The following CACNA2D3 variants were observed in gnomAD, a reference collection of about 807,000 sequenced individuals.
CACNA2D3 encodes calcium voltage-gated channel auxiliary subunit alpha2delta 3.
In CACNA2D3, 60 loss-of-function variants were observed where a neutral mutation model predicts 160.6. The ratio of observed to expected loss-of-function variants is 0.37; its 90% confidence interval spans 0.30 to 0.46. CACNA2D3 has a LOEUF of 0.46. CACNA2D3 is among the 20% of genes least tolerant of loss of function. The pLI, the probability that CACNA2D3 is intolerant of heterozygous loss-of-function variation, is 1.00. For missense variants in CACNA2D3, 1,205 were observed against 1,365.0 expected, an observed-to-expected ratio of 0.88 and a Z score of 1.85; for synonymous variants, 558 against 492.9, an observed-to-expected ratio of 1.13 and a Z score of -1.75.
intron 13 of CACNA2D3, among the ~76,000 whole-genome samples, chr3:54,768,987 G>C (rs1702269567): frequency 6.6e-6 from 1 of 152,138 alleles, no homozygotes; most frequent in South Asian, 2.1e-4. Flanking sequence ...CTCTTTGTTA[G>C]GTCTGCCGGG....
intron 14 of CACNA2D3, among the ~76,000 whole-genome samples, chr3:54,836,903 C>T (rs918473230): frequency 5.3e-5 from 8 of 152,144 alleles, no homozygotes; most frequent in Admixed American, 4.6e-4. Flanking sequence ...CTCTTTGAAC[C>T]AAAGTGGCTG....
chr3:54,565,784 G>C (rs1702400359), intron 6 of CACNA2D3, among the ~76,000 whole-genome samples: 1 of 152,134 alleles, frequency 6.6e-6, no homozygotes, highest in African/African-American at 2.4e-5. Context: ...TTCAGGGCTT[G>C]CATTGCAAAA....
In CACNA2D3 at chr3:54,896,817, G is replaced by C; in HGVS notation, c.2315G>C (p.Arg772Thr). 6.2e-7 allele frequency: 1 copy of C among 1,614,028 alleles called. No homozygotes were observed. The highest frequency in any genetic ancestry group is 8.5e-7 in the Non-Finnish European group (1 of 1,179,892). ...GACCATTTCCCTCTCTGGTACCGAAGAGCCGCTGAGCAGATTCCAGGGAGC... is the reference window on the plus strand; with the variant it reads ...GACCATTTCCCTCTCTGGTACCGAACAGCCGCTGAGCAGATTCCAGGGAGC... ...NADHFPLWYRRAAEQIPGSFV... is the reference protein window; with the variant it reads ...NADHFPLWYRTAAEQIPGSFV... The change falls in exon 26 of 38, where the codon AGA becomes ACA. Residue 772 changes from arginine to threonine, a missense_variant. Coordinates refer to ENST00000474759, the MANE Select transcript of CACNA2D3 (RefSeq NM_018398.3).
At chr3:54,881,209 A>G (rs984887784) in intron 21 of CACNA2D3, among the ~76,000 whole-genome samples, 5 of 152,200 alleles carry the variant, frequency 3.3e-5, no homozygotes, top group African/African-American at 9.6e-5. Context: ...TATTCTTCTC[A>G]TACATAAAAA....
chr3:54,349,869 A>G (rs763502628), intron 3 of CACNA2D3, among the ~76,000 whole-genome samples: 2 of 152,206 alleles, frequency 1.3e-5, no homozygotes, highest in Non-Finnish European at 2.9e-5. Context: ...CATTGTTCAG[A>G]GCAGTTGCTC....
intron 9 of CACNA2D3, among the ~76,000 whole-genome samples, chr3:54,618,297 T>C (rs1000952285): frequency 6.7e-6 from 1 of 149,082 alleles, no homozygotes; most frequent in Non-Finnish European, 1.5e-5. Flanking sequence ...ATACTGAAAA[T>C]TTAAACTTTC....
Position 54,259,217 on chromosome 3 carries a change from A to G in CACNA2D3, c.205-61225A>G, listed in dbSNP as rs191593940. The stretch of plus-strand genomic sequence containing the variant: ...TTCCCTCCAGGAGCTAGTGGGAAAG[A>G]TGTTATTTCCACCAGGTTGGCTAAG... On this transcript the variant is annotated intron_variant, in intron 2 of 37. Coordinates refer to ENST00000474759, the MANE Select transcript of CACNA2D3 (RefSeq NM_018398.3). Among the ~76,000 whole-genome samples the G allele has an allele frequency of 1.4e-3, 206 of 152,314 alleles. 1 individual carries two copies. Among genetic ancestry groups the G allele is most frequent in the African/African-American group, 4.7e-3 (196 of 41,586 alleles).
chr3:54,879,067 T>C lies in CACNA2D3; in HGVS notation c.1760T>C (p.Val587Ala), dbSNP rs747351572. The stretch of plus-strand genomic sequence containing the variant: ...AAGACGGGGAAGTTTTCCATGGAGG[T>C]GAAGAAGACAGTGGACAAAGGGGTA... ...NRKTGKFSME[V>A]KKTVDKGKRV... The change falls in exon 19 of 38, where the codon GTG (valine) becomes GCG (alanine). Residue 587 changes from valine to alanine, a missense_variant. By Grantham distance (64) the Val-to-Ala change is moderately conservative. Coordinates refer to ENST00000474759, the MANE Select transcript of CACNA2D3 (RefSeq NM_018398.3). 6.9e-6 allele frequency: 11 copies of C among 1,605,058 alleles called. No individual in the cohort carries two copies.
At chr3:54,766,017 G>A (rs1702217485) in intron 13 of CACNA2D3, among the ~76,000 whole-genome samples, 1 of 152,088 alleles carries the variant, frequency 6.6e-6, no homozygotes, top group African/African-American at 2.4e-5. Context: ...ACAAGCAGTA[G>A]AAGAAAACCT....
chr3:54,407,623 T>C (rs1699600427), intron 4 of CACNA2D3, among the ~76,000 whole-genome samples: 1 of 152,188 alleles, frequency 6.6e-6, no homozygotes, highest in African/African-American at 2.4e-5. Context: ...CACACTATCA[T>C]TTCATTTGAG....
intron 17 of CACNA2D3, among the ~76,000 whole-genome samples, chr3:54,847,445 C>T (rs1054030554): frequency 1.3e-5 from 2 of 152,116 alleles, no homozygotes; most frequent in Non-Finnish European, 2.9e-5. Flanking sequence ...GAGAAAGTAG[C>T]GGCAGTGCCT....
chr3:54,438,625 G>A (rs1320370702), intron 4 of CACNA2D3, among the ~76,000 whole-genome samples: 1 of 152,174 alleles, frequency 6.6e-6, no homozygotes, highest in Non-Finnish European at 1.5e-5. Flanking sequence ...TGTAGCTAGG[G>A]CATTTAGATG....
intron 5 of CACNA2D3, among the ~76,000 whole-genome samples, chr3:54,513,092 G>A (rs1575497098): frequency 6.6e-6 from 1 of 152,126 alleles, no homozygotes; most frequent in Non-Finnish European, 1.5e-5. Context: ...CAACACATGG[G>A]AATTCAAGAT....
intron 11 of CACNA2D3, among the ~76,000 whole-genome samples, chr3:54,703,630 C>A (rs1354290664): frequency 6.6e-6 from 1 of 152,178 alleles, no homozygotes; most frequent in Non-Finnish European, 1.5e-5. Flanking sequence ...CTACAATTAT[C>A]CCATCTTTGT....
At chr3:54,668,417 T>C (rs1012330643) in intron 11 of CACNA2D3, among the ~76,000 whole-genome samples, 7 of 152,126 alleles carry the variant, frequency 4.6e-5, no homozygotes, top group African/African-American at 1.7e-4. Context: ...CCAAGAACAA[T>C]GAAGCTGACA....
chr3:54,636,655 G>A (rs1402089736), intron 10 of CACNA2D3, among the ~76,000 whole-genome samples: 1 of 152,006 alleles, frequency 6.6e-6, no homozygotes, highest in Non-Finnish European at 1.5e-5. Flanking sequence ...CCTGGCTCTT[G>A]TGTAAGAATT....
intron 11 of CACNA2D3, among the ~76,000 whole-genome samples, chr3:54,697,079 C>T (rs1468153619): frequency 6.6e-6 from 1 of 152,104 alleles, no homozygotes; most frequent in South Asian, 2.1e-4. Context: ...GAGTTCAAGA[C>T]CAGCCCAGGC....
chr3:54,922,469 A>G (rs1700881242), intron 27 of CACNA2D3, among the ~76,000 whole-genome samples: 1 of 152,102 alleles, frequency 6.6e-6, no homozygotes, highest in African/African-American at 2.4e-5. Flanking sequence ...AACCTCTTAT[A>G]AGGAAGATGT....
chr3:54,329,637 A>G (rs904146658), intron 3 of CACNA2D3, among the ~76,000 whole-genome samples: 1 of 152,124 alleles, frequency 6.6e-6, no homozygotes, highest in African/African-American at 2.4e-5. Context: ...CTTAATTTAT[A>G]CTCAGGCCAG....
Sources: allele counts gnomAD v4.1 joint callset (sites outside exome capture counted in the v4.1 genomes callset), GRCh38; gene constraint gnomAD v4.1.1; transcripts MANE v1.5; gene names NCBI Gene and HGNC (gene_info 2026-07-23, HGNC 2026-07-21).